The following RAPH1 variants were observed in gnomAD, a reference collection of about 807,000 sequenced individuals.
RAPH1 encodes the protein Ras association (RalGDS/AF-6) and pleckstrin homology domains 1.
Under a neutral mutation model 88.1 loss-of-function variants are expected in RAPH1, and 18 were observed. The ratio of observed to expected loss-of-function variants is 0.20; its 90% CI spans 0.14 to 0.30. The LOEUF is 0.30. Among genes scored for constraint, RAPH1 ranks in the 10% least tolerant of loss-of-function variants. RAPH1 has a pLI of 1.00. For synonymous variants in RAPH1, 587 were observed against 559.0 expected (o/e 1.05, Z -0.71); for missense variants, 1,448 against 1,543.2 (o/e 0.94, Z 1.03).
chr2:203,477,077 G>A (rs752359454), intron 4 of RAPH1: 1 of 1,610,516 alleles, frequency 6.2e-7, no homozygotes, highest in East Asian at 2.2e-5. Context: ...AGAACTTACA[G>A]GTGTCAGCTC....
rs531616062 is a variant in RAPH1 at position 203,504,443 on chromosome 2, G to A, written c.1-9090C>T. On this transcript the variant is annotated intron_variant, in intron 1 of 13. Transcript: ENST00000319170. ...TGTTGGCCCCTTTCAGCCACAGCTG[G>A]AGTGGCTGGGACACAGGGCACCAAG... is the stretch of plus-strand genomic sequence containing the variant. Among the ~76,000 whole-genome samples, 47 of 152,266 alleles carry A rather than the reference G, an allele frequency of 3.1e-4. 1 individual carries two copies. The highest frequency in any genetic ancestry group is 1.1e-3 in the African/African-American group (46 of 41,560).
chr2:203,529,005 A>ATAT lies in RAPH1; in HGVS notation c.-1+6105_-1+6106insATA, dbSNP rs1553633903. On this transcript the variant is annotated intron_variant, in intron 1 of 13. Coordinates refer to ENST00000319170, the MANE Select transcript of RAPH1 (RefSeq NM_213589.3). ...TATATATATATATATATATATATATATTTTTTTTTTTTTTTTTTTTTTTTT... is the reference window on the plus strand; with the variant it reads ...TATATATATATATATATATATATATATATTTTTTTTTTTTTTTTTTTTTTTTTT... Among the ~76,000 whole-genome samples, 204 of 41,164 alleles carry ATAT rather than the reference A, an allele frequency of 5.0e-3. 7 individuals are homozygous for ATAT. The highest frequency in any genetic ancestry group is 0.025 in the Middle Eastern group (1 of 40). The allele number at this position is 41,164 out of a possible 152,430, so 27.0% of individuals were successfully genotyped here. A position where few individuals can be genotyped will look rare whatever the true frequency, so the allele number is the denominator to read the frequency against.
rs947026347 is a variant in RAPH1 at position 203,434,171 on chromosome 2, G to C, written c.*5266C>G. On this transcript the variant is annotated 3_prime_UTR_variant, in exon 14 of 14. Coordinates refer to ENST00000319170, the MANE Select transcript of RAPH1 (RefSeq NM_213589.3). Reference sequence around the variant, plus strand: ...TAGCAACAAAGCTGCGAGAAAAATTGTAACTTCATCTTCACTGAGCTGTGC... The same window carrying C: ...TAGCAACAAAGCTGCGAGAAAAATTCTAACTTCATCTTCACTGAGCTGTGC... 5 of 152,314 alleles carry C rather than the reference G, an allele frequency of 3.3e-5. No homozygotes were observed. Among genetic ancestry groups the C allele is most frequent in the East Asian group, 1.9e-4 (1 of 5,184 alleles). The allele number at this position is 152,314 out of a possible 1,614,324, so 9.4% of individuals were successfully genotyped here. A position where few individuals can be genotyped will look rare whatever the true frequency, so the allele number is the denominator to read the frequency against.
At chr2:203,509,476 G>A (rs1407213763) in intron 1 of RAPH1, among the ~76,000 whole-genome samples, 1 of 152,200 alleles carries the variant, frequency 6.6e-6, no homozygotes, top group Non-Finnish European at 1.5e-5. Context: ...AATGCTTACA[G>A]TAAATACAGA....
At chr2:203,470,410 G>A (rs1195137684) in intron 4 of RAPH1, 1 of 680,572 alleles carries the variant, frequency 1.5e-6, no homozygotes, top group Admixed American at 2.8e-5. Flanking sequence ...AAGCAAGAAT[G>A]ATTCTCTATA....
chr2:203,504,185 G>A (rs1189922100), intron 1 of RAPH1, among the ~76,000 whole-genome samples: 4 of 152,300 alleles, frequency 2.6e-5, no homozygotes, highest in African/African-American at 9.6e-5. Flanking sequence ...CTGTGTGGGG[G>A]CCCCAACCCC....
In RAPH1 at chr2:203,455,541, C is replaced by T; in HGVS notation, c.1198G>A (p.Glu400Lys). 1 of 1,613,584 alleles carries T rather than the reference C, an allele frequency of 6.2e-7. No individual in the cohort carries two copies. Among genetic ancestry groups the T allele is most frequent in the South Asian group, 1.1e-5 (1 of 90,998 alleles). Residue 400 changes from glutamate to lysine, a missense_variant, in exon 9 of 14, where the codon GAA becomes AAA. Around this residue, in one of 2 missense-constraint regions of RAPH1, gnomAD observed 513 missense variants for 653.1 expected, o/e 0.79. Transcript: ENST00000319170. ...CGSSVTVPEI[E>K]GVLWLKDDGK... is the part of the protein sequence containing the mutation. ...TCATCCTTCAACCAAAGGACTCCTT[C>T]AATTTCTGGTACAGTTACAGAACTT...
intron 4 of RAPH1, among the ~76,000 whole-genome samples, chr2:203,473,423 A>T (rs1468283055): frequency 6.6e-6 from 1 of 152,216 alleles, no homozygotes; most frequent in African/African-American, 2.4e-5. Context: ...AGAGTGGTGC[A>T]CAGCTGAAGG....
At chr2:203,533,683 TTTACTATATAGTTCACTGTA>T (rs1467144498) in intron 1 of RAPH1, among the ~76,000 whole-genome samples, 17 of 151,922 alleles carry the variant, frequency 1.1e-4, no homozygotes, top group Non-Finnish European at 4.4e-5. Flanking sequence ...ACCTCAACAT[TTTACTATATAGTTCACTGTA>T]TTACACTTAC....
At chr2:203,521,433 T>G (rs1225013536) in intron 1 of RAPH1, among the ~76,000 whole-genome samples, 1 of 152,018 alleles carries the variant, frequency 6.6e-6, no homozygotes, top group Non-Finnish European at 1.5e-5. Flanking sequence ...TAAGTAAAAT[T>G]TTATGGATAC....
chr2:203,513,393 C>G (rs1321147680), intron 1 of RAPH1, among the ~76,000 whole-genome samples: 2 of 119,240 alleles, frequency 1.7e-5, no homozygotes, highest in Admixed American at 1.0e-4. Flanking sequence ...CTCGCTCTGT[C>G]GGCCAGGCTG....
intron 1 of RAPH1, among the ~76,000 whole-genome samples, chr2:203,524,491 A>G (rs774378624): frequency 3.9e-5 from 6 of 152,220 alleles, no homozygotes; most frequent in Non-Finnish European, 7.3e-5. Context: ...AGGTGCCTGG[A>G]AAAACGAAAT....
intron 1 of RAPH1, among the ~76,000 whole-genome samples, chr2:203,509,986 C>G (rs1478294464): frequency 1.3e-5 from 2 of 152,070 alleles, no homozygotes; most frequent in Non-Finnish European, 2.9e-5. Context: ...CATCATGCTT[C>G]CTGTATAGCC....
chr2:203,531,057 C>T (rs1690368433), intron 1 of RAPH1, among the ~76,000 whole-genome samples: 1 of 152,114 alleles, frequency 6.6e-6, no homozygotes, highest in Non-Finnish European at 1.5e-5. Flanking sequence ...GGACCCTTAC[C>T]TAACACATTT....
chr2:203,479,335 G>A (rs1687613796), intron 4 of RAPH1, among the ~76,000 whole-genome samples: 1 of 152,172 alleles, frequency 6.6e-6, no homozygotes, highest in Admixed American at 6.5e-5. Context: ...TGGGCACGGT[G>A]GCTCACGCCT....
Position 203,525,296 on chromosome 2 carries a change from CTG to C in RAPH1, c.-1+9813_-1+9814del, listed in dbSNP as rs973190477. On this transcript the variant is annotated intron_variant, in intron 1 of 13. Coordinates refer to ENST00000319170, the MANE Select transcript of RAPH1 (RefSeq NM_213589.3). ...CGCCTCCTGGGTTCAAGCGATTCTCCTGTGTCAGTTTCCAGAGTAGCTGGGAT... is the reference window on the plus strand; with the variant it reads ...CGCCTCCTGGGTTCAAGCGATTCTCCTGTCAGTTTCCAGAGTAGCTGGGAT... Among the ~76,000 whole-genome samples, 75 of 152,130 alleles carry C rather than the reference CTG, an allele frequency of 4.9e-4. 2 individuals carry two copies. Among genetic ancestry groups the C allele is most frequent in the Non-Finnish European group, 1.0e-4 (7 of 68,026 alleles).
In RAPH1 at chr2:203,489,759, T is replaced by C; in HGVS notation, c.557A>G (p.Gln186Arg). 2 of 1,614,234 alleles carry C rather than the reference T, an allele frequency of 1.2e-6. No homozygotes were observed. Among genetic ancestry groups the C allele is most frequent in the Non-Finnish European group, 1.7e-6 (2 of 1,180,042 alleles). The stretch of plus-strand genomic sequence containing the variant: ...GCCTGCTGACGCGGTTCTTCTGTGC[T>C]GATTAGTTACTAAGGGTTTAGTATC... ...LEDTKPLVTN[Q>R]HRRTASAGTV... Residue 186 changes from glutamine (Q) to arginine (R), a missense_variant, in exon 4 of 14, where the codon CAG becomes CGG. Physicochemically the swap from Gln to Arg is conservative, Grantham distance 43 (BLOSUM62 1). This residue lies in a region of RAPH1 where 513 missense variants were observed against 653.1 expected (regional missense o/e 0.79). Coordinates refer to ENST00000319170, the MANE Select transcript of RAPH1 (RefSeq NM_213589.3).
intron 5 of RAPH1, 88 bp from the exon 6 acceptor site, chr2:203,461,496 TAATG>T: frequency 7.9e-6 from 8 of 1,010,252 alleles, no homozygotes; most frequent in Non-Finnish European, 9.5e-6. Context: ...AAATTTGGAT[TAATG>T]TATTTGTATA....
intron 1 of RAPH1, among the ~76,000 whole-genome samples, chr2:203,503,974 G>A (rs1460676273): frequency 6.6e-6 from 1 of 152,210 alleles, no homozygotes; most frequent in Non-Finnish European, 1.5e-5. Context: ...CAAAAGGTGG[G>A]TTCCCATGGT....
Sources: allele counts gnomAD v4.1 joint callset (sites outside exome capture counted in the v4.1 genomes callset), GRCh38; gene constraint gnomAD v4.1.1; regional missense constraint gnomAD v4.1.1; transcripts MANE v1.5; gene names NCBI Gene and HGNC (gene_info 2026-07-23, HGNC 2026-07-21).